PITPNM3: variants seen among roughly 807,000 people sequenced by gnomAD.
PITPNM3 encodes the protein PITPNM family member 3.
In PITPNM3, 26 loss-of-function variants were observed where a neutral mutation model predicts 102.0. The observed-to-expected ratio is 0.25, with a 90% CI of 0.19 to 0.35. The LOEUF (loss-of-function observed/expected upper bound fraction) is 0.35. Ranked by LOEUF, PITPNM3 falls within the 10% of genes least tolerant of loss-of-function variation. The pLI is 1.00. For missense variants in PITPNM3, 1,083 were observed against 1,346.1 expected, an observed-to-expected ratio of 0.80 and a Z score of 3.06; for synonymous variants, 578 against 558.6, an observed-to-expected ratio of 1.03 and a Z score of -0.49.
chr17:6,523,456 G>A (rs142489371), intron 3 of PITPNM3, among the ~76,000 whole-genome samples: 9 of 152,228 alleles, frequency 5.9e-5, no homozygotes, highest in East Asian at 5.8e-4. Flanking sequence ...TGGACCTCCC[G>A]CTGTGCTTCC....
chr17:6,522,121 TG>T lies in PITPNM3; in HGVS notation c.226+3234del, dbSNP rs1197556384. 6.9e-3 allele frequency among the ~76,000 whole-genome samples: 1,051 copies of T among 152,136 alleles called. 10 individuals are homozygous for T. The highest frequency in any genetic ancestry group is 0.024 in the African/African-American group (979 of 41,466). ...TAGCCTATAAAATATTCAAGATTAG[TG>T]AAACACTCAGGCCCAGCAGGAAACA... is the stretch of plus-strand genomic sequence containing the variant. On this transcript the variant is annotated intron_variant, in intron 3 of 19. Coordinates refer to ENST00000262483, the MANE Select transcript of PITPNM3 (RefSeq NM_031220.4).
intron 4 of PITPNM3, among the ~76,000 whole-genome samples, chr17:6,499,986 C>G (rs1286966741): frequency 2.6e-5 from 4 of 152,216 alleles, no homozygotes; most frequent in Non-Finnish European, 4.4e-5. Context: ...CTGCCTCGGT[C>G]TGCCAAAGTG....
rs1293933004 is a variant in PITPNM3, at chr17:6,454,946, T to G, written c.*392A>C. On this transcript the variant is annotated 3_prime_UTR_variant, in exon 20 of 20. Transcript: ENST00000262483. ...GGCTGTGCCTGCCAGCGGCGCTTGG[T>G]GCCGAGGCTGGGGCTGCCCCCTTGA... The G allele has an allele frequency of 4.3e-6, 1 of 232,418 alleles. No individual in the cohort carries two copies. The highest frequency in any genetic ancestry group is 2.3e-5 in the African/African-American group (1 of 43,834). 14.4% of individuals were successfully genotyped at this position (232,418 alleles called of 1,614,324 possible). A position where few individuals can be genotyped will look rare whatever the true frequency, so the allele number is the denominator to read the frequency against.
Position 6,470,656 on chromosome 17 carries a change from A to G in PITPNM3, c.1625-248T>C, listed in dbSNP as rs1905026239. ...GCCCAGGAAGGAGGGCCAGACCCAC[A>G]GAGACGTCCACAGTCTCACCCAGGG... On this transcript the variant is annotated intron_variant, in intron 12 of 19. Coordinates refer to ENST00000262483, the MANE Select transcript of PITPNM3 (RefSeq NM_031220.4). The surrounding 1 kb of genome is among the most constrained non-coding windows in gnomAD (Gnocchi z 4.8). Among the ~76,000 whole-genome samples the G allele has an allele frequency of 6.6e-6, 1 of 152,190 alleles. No individual in the cohort carries two copies. The highest frequency in any genetic ancestry group is 2.1e-4 in the South Asian group (1 of 4,828).
intron 3 of PITPNM3, 114 bp from the exon 4 acceptor site, chr17:6,503,688 G>T: frequency 9.3e-7 from 1 of 1,073,536 alleles, no homozygotes; most frequent in Non-Finnish European, 1.4e-6. Context: ...GCTTGGGATG[G>T]GCAGAAGTAT....
chr17:6,464,248 C>G lies in PITPNM3; in HGVS notation c.2078G>C (p.Ser693Thr), dbSNP rs759766610. The G allele has an allele frequency of 5.6e-6, 9 of 1,614,186 alleles. No individual in the cohort carries two copies. The highest frequency in any genetic ancestry group is 6.8e-6 in the Non-Finnish European group (8 of 1,180,018). ...WVHLDTEITN[S>T]SGRITYNVPR... Reference sequence around the variant, plus strand: ...CACATTGTATGTGATGCGACCACTGCTGTTGGTGATCTCTGTGTCCAGGTG... The same window carrying G: ...CACATTGTATGTGATGCGACCACTGGTGTTGGTGATCTCTGTGTCCAGGTG... Residue 693 changes from serine to threonine, a missense_variant, in exon 16 of 20, where the codon AGC becomes ACC. Coordinates refer to ENST00000262483, the MANE Select transcript of PITPNM3 (RefSeq NM_031220.4).
intron 1 of PITPNM3, among the ~76,000 whole-genome samples, chr17:6,550,431 C>A (rs1358576751): frequency 2.0e-5 from 3 of 152,192 alleles, no homozygotes; most frequent in African/African-American, 7.2e-5. Flanking sequence ...AACTCCCGAT[C>A]CTAGGATCTC....
Position 6,474,422 on chromosome 17 carries a change from C to A in PITPNM3, c.1258+10G>T, listed in dbSNP as rs1905201998. ...CAGGCACCTCAGGCCCCAGCCCACA[C>A]CATCCCTACCGTCCAGCCCAGGCAG... On this transcript the variant is annotated intron_variant, in intron 10 of 19. Coordinates refer to ENST00000262483, the MANE Select transcript of PITPNM3 (RefSeq NM_031220.4). The A allele has an allele frequency of 1.9e-6, 3 of 1,612,802 alleles. No individual in the cohort carries two copies. Among genetic ancestry groups the A allele is most frequent in the Middle Eastern group, 1.7e-4 (1 of 6,054 alleles).
rs539570889 is a variant in PITPNM3, at chr17:6,555,321, G to C, written c.22+1064C>G. Among the ~76,000 whole-genome samples the C allele has an allele frequency of 3.3e-4, 50 of 152,310 alleles. 1 individual carries two copies. Among genetic ancestry groups the C allele is most frequent in the Admixed American group, 2.5e-3 (38 of 15,310 alleles). ...AGACGGGTCCGCAGCCCAGGGTCCC[G>C]GGCAGCTTTCGGGCTTGGGGGTGGA... is the stretch of plus-strand genomic sequence containing the variant. On this transcript the variant is annotated intron_variant, in intron 1 of 19. Coordinates refer to ENST00000262483, the MANE Select transcript of PITPNM3 (RefSeq NM_031220.4).
intron 4 of PITPNM3, among the ~76,000 whole-genome samples, chr17:6,497,435 G>A (rs1378409917): frequency 1.3e-5 from 2 of 152,194 alleles, no homozygotes; most frequent in Non-Finnish European, 2.9e-5. Context: ...CCAGGACCAG[G>A]GGCTGGAGTT....
intron 1 of PITPNM3, among the ~76,000 whole-genome samples, chr17:6,544,938 G>A (rs1336825480): frequency 6.6e-6 from 1 of 152,162 alleles, no homozygotes; most frequent in Non-Finnish European, 1.5e-5. Context: ...GGGGTCCCTG[G>A]GGTCCAAACG....
rs1555554455 is a variant in PITPNM3 at position 6,491,836 on chromosome 17, T to TAA, written c.275-7546_275-7545dup. On this transcript the variant is annotated intron_variant, in intron 4 of 19. Transcript: ENST00000262483. Reference sequence around the variant, plus strand: ...AATGGAATATATATATATATATATATAATAAAGAATTAATTAAGAATTAAG... The same window carrying TAA: ...AATGGAATATATATATATATATATATAAAATAAAGAATTAATTAAGAATTAAG... Among the ~76,000 whole-genome samples the TAA allele has an allele frequency of 5.5e-4, 77 of 139,268 alleles. 3 individuals are homozygous for TAA. Among genetic ancestry groups the TAA allele is most frequent in the African/African-American group, 1.6e-3 (58 of 36,382 alleles). The allele number at this position is 139,268 out of a possible 152,430, so 91.4% of individuals were successfully genotyped here. A position where few individuals can be genotyped will look rare whatever the true frequency, so the allele number is the denominator to read the frequency against.
In PITPNM3 at chr17:6,474,505, G is replaced by A. The variant is rs772354449; in HGVS notation, c.1185C>T (p.Ser395=). 1.9e-5 allele frequency: 31 copies of A among 1,613,376 alleles called. No individual in the cohort carries two copies. The East Asian group carries it at 2.9e-4, about 15-fold the overall frequency. The change falls in exon 10 of 20, where the codon TCC becomes TCT. Residue 395 remains serine (S), a synonymous_variant. Transcript: ENST00000262483. ...GTGGCGAGCCGAAGAGGAAGAAGTC[G>A]GACACATCGAAGTCAAAGCGGCCCA... The part of the protein sequence containing the change: ...VSLGRFDFDV[S]DFFLFGSPLG...
chr17:6,474,556 C>A lies in PITPNM3; in HGVS notation c.1134G>T (p.Gly378=), dbSNP rs569629902. 1 of 1,599,608 alleles carries A rather than the reference C, an allele frequency of 6.3e-7. No homozygotes were observed. Among genetic ancestry groups the A allele is most frequent in the East Asian group, 2.3e-5 (1 of 43,932 alleles). The change falls in exon 10 of 20, where the codon GGG becomes GGT. Residue 378 remains glycine, a synonymous_variant. Transcript: ENST00000262483. ...LKDESETPAA[G]GPQLPEVSLG... ...GGCTGACCTCAGGGAGCTGCGGCCC[C>A]CCAGCCGCCGGGGTCTCAGACTCAT...
intron 3 of PITPNM3, among the ~76,000 whole-genome samples, chr17:6,516,563 CA>C (rs34384161): frequency 0.068 from 7,705 of 113,698 alleles, 422 homozygotes; most frequent in East Asian, 0.19. Flanking sequence ...GACTCCGCCT[CA>C]AAAAAAAAAA....
At chr17:6,484,003 T>G (rs956806822) in intron 5 of PITPNM3, among the ~76,000 whole-genome samples, 5 of 152,262 alleles carry the variant, frequency 3.3e-5, no homozygotes, top group African/African-American at 9.6e-5. Flanking sequence ...GGACATGGGC[T>G]GCCAGGAGGG....
intron 19 of PITPNM3, among the ~76,000 whole-genome samples, chr17:6,456,692 C>T (rs1010588228): frequency 1.3e-5 from 2 of 152,180 alleles, no homozygotes; most frequent in Non-Finnish European, 2.9e-5. Context: ...CCTCTACCCG[C>T]GGGTCACTCT....
At chr17:6,481,834 G>A (rs1446622305) in intron 6 of PITPNM3, 1 of 141,380 alleles carries the variant, frequency 7.1e-6, no homozygotes, top group African/African-American at 2.7e-5. Context: ...TGAATAGATA[G>A]ATAAACAGAA....
chr17:6,542,079 C>T (rs576125759), intron 1 of PITPNM3, among the ~76,000 whole-genome samples: 48 of 152,284 alleles, frequency 3.2e-4, no homozygotes, highest in South Asian at 1.4e-3. Context: ...CTCCATTGCC[C>T]GCTCTCTTGG....
Sources: gnomAD v4.1 joint callset for allele counts (sites outside exome capture counted in the v4.1 genomes callset) on GRCh38, gnomAD v4.1.1 for gene constraint, Gnocchi (gnomAD v3.1) non-coding constraint, MANE v1.5 for transcripts, NCBI Gene and HGNC (gene_info 2026-07-23, HGNC 2026-07-21) for gene names.